The following PTGER3 variants were observed in gnomAD, a reference collection of about 807,000 sequenced individuals.
PTGER3 encodes the protein prostaglandin E2 receptor EP3 subtype.
PTGER3 carries 22 observed loss-of-function variants against 34.7 expected under a neutral mutation model. The observed-to-expected ratio is 0.63, with a 90% CI of 0.45 to 0.91. The LOEUF (loss-of-function observed/expected upper bound fraction) is 0.91, where lower values mean the gene tolerates loss of function less well. Among genes scored for constraint, PTGER3 ranks in the 40% least tolerant of loss-of-function variants. PTGER3 has a pLI of 0.00. For synonymous variants in PTGER3, 241 were observed against 230.1 expected (o/e 1.05, Z -0.43); for missense variants, 468 against 519.4 (o/e 0.90, Z 0.96).
chr1:70,864,229 T>G (rs868672437), intron 4 of PTGER3, among the ~76,000 whole-genome samples: 1 of 152,132 alleles, frequency 6.6e-6, no homozygotes, highest in Non-Finnish European at 1.5e-5. Flanking sequence ...TAAGAGAAAT[T>G]TTCTGACCTC....
intron 4 of PTGER3, among the ~76,000 whole-genome samples, chr1:70,856,183 A>C (rs576814467): frequency 6.6e-6 from 1 of 152,162 alleles, no homozygotes. Flanking sequence ...TAATATTTTT[A>C]TTTAGGAACT....
intron 4 of PTGER3, among the ~76,000 whole-genome samples, chr1:70,922,635 A>T (rs1284683156): frequency 6.6e-6 from 1 of 152,180 alleles, no homozygotes; most frequent in East Asian, 1.9e-4. Flanking sequence ...CACCAAAAAA[A>T]AAAGTTGCTA....
At chr1:70,931,335 C>G (rs1648672778) in intron 4 of PTGER3, among the ~76,000 whole-genome samples, 1 of 152,156 alleles carries the variant, frequency 6.6e-6, no homozygotes, top group African/African-American at 2.4e-5. Flanking sequence ...GGTGCACAGT[C>G]CAAGCTGTCA....
At chr1:70,895,721 C>T (rs886112799) in intron 4 of PTGER3, among the ~76,000 whole-genome samples, 6 of 152,180 alleles carry the variant, frequency 3.9e-5, no homozygotes, top group Admixed American at 2.6e-4. Flanking sequence ...TTTGGTCTGA[C>T]ATAATTTTAG....
intron 4 of PTGER3, among the ~76,000 whole-genome samples, chr1:70,924,472 G>T (rs1647858231): frequency 6.6e-6 from 1 of 152,094 alleles, no homozygotes; most frequent in Non-Finnish European, 1.5e-5. Flanking sequence ...AGTGATCTCT[G>T]ACTGCTGGTC....
At chr1:70,883,646 A>C (rs1280525761) in intron 4 of PTGER3, among the ~76,000 whole-genome samples, 1 of 152,230 alleles carries the variant, frequency 6.6e-6, no homozygotes, top group East Asian at 1.9e-4. Flanking sequence ...TAAAACGTCC[A>C]ATTTTCTTAA....
intron 2 of PTGER3, among the ~76,000 whole-genome samples, chr1:70,964,841 T>G (rs1049928484): frequency 2.0e-5 from 3 of 152,224 alleles, no homozygotes; most frequent in African/African-American, 7.2e-5. Context: ...TCTTTCTTTC[T>G]CCAGCAAGAA....
At chr1:71,046,158 G>A (rs1170348995) in intron 1 of PTGER3, among the ~76,000 whole-genome samples, 1 of 151,342 alleles carries the variant, frequency 6.6e-6, no homozygotes, top group Admixed American at 6.6e-5. Flanking sequence ...GGTGGCGGGC[G>A]CCTGTAGTCC....
At chr1:71,027,471 G>A (rs1395661612) in intron 1 of PTGER3, among the ~76,000 whole-genome samples, 3 of 152,156 alleles carry the variant, frequency 2.0e-5, no homozygotes, top group African/African-American at 7.2e-5. Context: ...TCACCAAGGC[G>A]AAGTAGATAT....
At chr1:70,948,196 C>T (rs1319371559), downstream of PTGER3, among the ~76,000 whole-genome samples, 1 of 152,028 alleles carries the variant, frequency 6.6e-6, no homozygotes, top group Non-Finnish European at 1.5e-5. Context: ...TGTATCCCCA[C>T]CCAAATCTCT....
chr1:70,934,549 C>T (rs1056339478), intron 4 of PTGER3, among the ~76,000 whole-genome samples: 4 of 152,106 alleles, frequency 2.6e-5, no homozygotes, highest in African/African-American at 4.8e-5. Flanking sequence ...TGCATAGTTT[C>T]CATATCAGTG....
intron 1 of PTGER3, among the ~76,000 whole-genome samples, chr1:71,018,666 C>G (rs1658131869): frequency 1.3e-5 from 2 of 152,080 alleles, no homozygotes; most frequent in African/African-American, 4.8e-5. Flanking sequence ...TTGGATTTCT[C>G]TAACTTTTTG....
At chr1:70,922,573 C>T (rs1277877278) in intron 4 of PTGER3, among the ~76,000 whole-genome samples, 4 of 151,940 alleles carry the variant, frequency 2.6e-5, no homozygotes, top group African/African-American at 9.7e-5. Context: ...TGTCTGGGTC[C>T]TAGGCTCCAC....
intron 1 of PTGER3, among the ~76,000 whole-genome samples, chr1:71,028,547 C>G (rs1156272061): frequency 1.3e-5 from 2 of 152,156 alleles, no homozygotes; most frequent in African/African-American, 4.8e-5. Context: ...ACTTTTGAAG[C>G]ATTATGTTTT....
chr1:70,929,158 A>G (rs1257799873), intron 4 of PTGER3, among the ~76,000 whole-genome samples: 1 of 152,194 alleles, frequency 6.6e-6, no homozygotes, highest in Non-Finnish European at 1.5e-5. Context: ...ATCCAAAGTT[A>G]TGAAATAAAA....
At chr1:70,907,729 A>G (rs1018915698) in intron 4 of PTGER3, among the ~76,000 whole-genome samples, 5 of 152,208 alleles carry the variant, frequency 3.3e-5, no homozygotes, top group African/African-American at 9.7e-5. Context: ...TTGTTAAACC[A>G]ATGTGTCTCC....
chr1:70,989,976 C>T (rs1655281168), intron 2 of PTGER3, among the ~76,000 whole-genome samples: 1 of 151,402 alleles, frequency 6.6e-6, no homozygotes, highest in Non-Finnish European at 1.5e-5. Context: ...TATATACATA[C>T]ATGTATGGAT....
intron 4 of PTGER3, among the ~76,000 whole-genome samples, chr1:70,881,697 G>A (rs184464801): frequency 2.1e-4 from 32 of 152,200 alleles, no homozygotes; most frequent in Admixed American, 2.0e-3. Context: ...TCTTGGAGGA[G>A]ACCCCTCCAA....
At chr1:70,865,188 G>T (rs1277669671) in intron 4 of PTGER3, among the ~76,000 whole-genome samples, 1 of 152,206 alleles carries the variant, frequency 6.6e-6, no homozygotes, top group Non-Finnish European at 1.5e-5. Context: ...GATGAGGTCA[G>T]CAGGAGAGGT....
Sources: gnomAD v4.1 joint callset for allele counts (sites outside exome capture counted in the v4.1 genomes callset) on GRCh38, gnomAD v4.1.1 for gene constraint, MANE v1.5 for transcripts, NCBI Gene and HGNC (gene_info 2026-07-23, HGNC 2026-07-21) for gene names.